ZNF436: variants seen among roughly 807,000 people sequenced by gnomAD.
ZNF436 encodes the protein zinc finger protein 436.
Under a neutral mutation model 41.9 loss-of-function variants are expected in ZNF436, and 22 were observed. The ratio of observed to expected loss-of-function variants is 0.53; its 90% CI spans 0.38 to 0.75. The LOEUF is 0.75. Among genes scored for constraint, ZNF436 ranks in the 30% least tolerant of loss-of-function variants. The pLI is 0.00. For synonymous variants in ZNF436, 217 were observed against 197.8 expected, an observed-to-expected ratio of 1.10 and a Z score of -0.82; for missense variants, 506 against 587.3, an observed-to-expected ratio of 0.86 and a Z score of 1.43.
Position 23,361,644 on chromosome 1 carries a change from G to A in ZNF436, c.*325C>T, listed in dbSNP as rs900537470. 2 of 237,586 alleles carry A rather than the reference G, an allele frequency of 8.4e-6. No homozygotes were observed. The highest frequency in any genetic ancestry group is 1.6e-5 in the Non-Finnish European group (2 of 121,264). The allele number at this position is 237,586 out of a possible 1,614,324, so 14.7% of individuals were successfully genotyped here. ...GCATAGTTCCTTGGGCCAAGGATGG[G>A]AGAAAATAACATTGAAAGATTTACT... On this transcript the variant is annotated 3_prime_UTR_variant, in exon 4 of 4. Transcript: ENST00000314011.
In ZNF436 at chr1:23,368,051, A is replaced by C; in HGVS notation, c.-46T>G. Reference sequence around the variant, plus strand: ...TCCAGGGAGAGAGAGCAGGAAAAGCAGCTAGCAGACAGCGCTGAAGGAGGC... The same window carrying C: ...TCCAGGGAGAGAGAGCAGGAAAAGCCGCTAGCAGACAGCGCTGAAGGAGGC... On this transcript the variant is annotated 5_prime_UTR_variant, in exon 2 of 4. Transcript: ENST00000314011. 1 of 1,612,342 alleles carries C rather than the reference A, an allele frequency of 6.2e-7. No individual in the cohort carries two copies. Among genetic ancestry groups the C allele is most frequent in the Non-Finnish European group, 8.5e-7 (1 of 1,178,698 alleles).
At position 23,369,537 on chromosome 1, in the gene ZNF436, G is replaced by T. The variant is rs548310360; in HGVS notation, c.-232C>A. 65 of 532,908 alleles carry T rather than the reference G, an allele frequency of 1.2e-4. No individual in the cohort carries two copies. Among genetic ancestry groups the T allele is most frequent in the South Asian group, 8.1e-4 (58 of 71,562 alleles). 33.0% of individuals were successfully genotyped at this position (532,908 alleles called of 1,614,324 possible). ...AGGTAGATCTCGAATTCGTAGACTT[G>T]CAGGCGAAGCCCAGATATCGTAGGC... is the stretch of plus-strand genomic sequence containing the variant. On this transcript the variant is annotated 5_prime_UTR_variant, in exon 1 of 4. Coordinates refer to ENST00000314011, the MANE Select transcript of ZNF436 (RefSeq NM_001077195.2).
chr1:23,362,259 A>G lies in ZNF436; in HGVS notation c.1123T>C (p.Ser375Pro). 3.1e-6 allele frequency: 5 copies of G among 1,614,152 alleles called. No individual in the cohort carries two copies. The highest frequency in any genetic ancestry group is 4.2e-6 in the Non-Finnish European group (5 of 1,180,034). The change falls in exon 4 of 4, where the codon TCT becomes CCT. Residue 375 changes from serine (S) to proline (P), a missense_variant. Coordinates refer to ENST00000314011, the MANE Select transcript of ZNF436 (RefSeq NM_001077195.2). The stretch of plus-strand genomic sequence containing the variant: ...ATTTTCTGGTGTGTGATGAGATGAG[A>G]GCTCCGGCTGAAGCTTTTCCCACAA... ...NACGKSFSRS[S>P]HLITHQKIHT...
At chr1:23,369,061 G>T (rs1484352151) in intron 1 of ZNF436, 2 of 241,336 alleles carry the variant, frequency 8.3e-6, no homozygotes, top group Non-Finnish European at 1.7e-5. Flanking sequence ...CTTCTCAAGG[G>T]GGCGCCCCTC....
At chr1:23,367,855 T>C in intron 2 of ZNF436, 118 bp downstream of exon 2, 2 of 1,170,694 alleles carry the variant, frequency 1.7e-6, no homozygotes, top group Non-Finnish European at 2.5e-6. Flanking sequence ...GGAGGCAGAA[T>C]ATCGAAGCCA....
chr1:23,366,562 A>G (rs1638362628), intron 3 of ZNF436, among the ~76,000 whole-genome samples: 1 of 152,220 alleles, frequency 6.6e-6, no homozygotes, highest in Non-Finnish European at 1.5e-5. Flanking sequence ...ATCATCATCA[A>G]CACTGAAACA....
rs372720347 is a variant in ZNF436, at chr1:23,369,534, C to T, written c.-229G>A. The T allele has an allele frequency of 3.8e-6, 2 of 532,820 alleles. No individual in the cohort carries two copies. The highest frequency in any genetic ancestry group is 1.9e-5 in the African/African-American group (1 of 51,742). 33.0% of individuals were successfully genotyped at this position (532,820 alleles called of 1,614,324 possible). On this transcript the variant is annotated 5_prime_UTR_variant, in exon 1 of 4. Transcript: ENST00000314011. ...CGCAGGTAGATCTCGAATTCGTAGA[C>T]TTGCAGGCGAAGCCCAGATATCGTA...
intron 2 of ZNF436, 142 bp from the exon 3 acceptor site, chr1:23,367,310 T>G (rs750479322): frequency 1.1e-5 from 11 of 1,038,618 alleles, no homozygotes; most frequent in Non-Finnish European, 1.5e-5. Context: ...AAAAAAGAGA[T>G]GTGGTAAAGA....
chr1:23,362,418 C>A lies in ZNF436; in HGVS notation c.964G>T (p.Val322Leu). 2 of 1,612,788 alleles carry A rather than the reference C, an allele frequency of 1.2e-6. No individual in the cohort carries two copies. The highest frequency in any genetic ancestry group is 1.7e-6 in the Non-Finnish European group (2 of 1,179,638). ...GKNFSQNSDL[V>L]RHRRAHTGEK... ...CCCGTGTGGGCTCTGCGATGACGCACAAGGTCGGAGTTCTGACTGAAATTC... is the reference window on the plus strand; with the variant it reads ...CCCGTGTGGGCTCTGCGATGACGCAAAAGGTCGGAGTTCTGACTGAAATTC... Residue 322 changes from valine to leucine, a missense_variant, in exon 4 of 4, where the codon GTG (valine) becomes TTG (leucine). By Grantham distance (32) the Val-to-Leu change is conservative (BLOSUM62 1). Coordinates refer to ENST00000314011, the MANE Select transcript of ZNF436 (RefSeq NM_001077195.2).
In ZNF436 at chr1:23,363,184, C is replaced by A; in HGVS notation, c.198G>T (p.Lys66Asn). 1.2e-6 allele frequency: 2 copies of A among 1,613,720 alleles called. No individual in the cohort carries two copies. The highest frequency in any genetic ancestry group is 1.3e-5 in the African/African-American group (1 of 75,038). The part of the protein sequence containing the change: ...EIRSENEVNP[K>N]QEISEDVQFG... ...ATTGTACATCTTCACTAATCTCTTG[C>A]TTGGGATTTACCTCGTTCTCACTCC... is the stretch of plus-strand genomic sequence containing the variant. Residue 66 changes from lysine to asparagine, a missense_variant, in exon 4 of 4, where the codon AAG becomes AAT. By Grantham distance (94) the Lys-to-Asn change is moderately conservative (BLOSUM62 0). Coordinates refer to ENST00000314011, the MANE Select transcript of ZNF436 (RefSeq NM_001077195.2).
Position 23,362,766 on chromosome 1 carries a change from T to G in ZNF436, c.616A>C (p.Ser206Arg). The G allele has an allele frequency of 1.2e-6, 2 of 1,614,208 alleles. No homozygotes were observed. Among genetic ancestry groups the G allele is most frequent in the South Asian group, 2.2e-5 (2 of 91,082 alleles). ...GTCTGATGCTGAATCAGGTGAGAAC[T>G]TCTTCCAAAACTTTTCCCACACTCG... ...CNECGKSFGR[S>R]SHLIQHQTIH... Residue 206 changes from serine to arginine, a missense_variant, in exon 4 of 4, where the codon AGT becomes CGT. Physicochemically the swap from Ser to Arg is moderately radical, Grantham distance 110 (BLOSUM62 -1). Transcript: ENST00000314011.
chr1:23,368,232 C>G (rs900553420), intron 1 of ZNF436, 167 bp from the exon 2 acceptor site: 1 of 576,488 alleles, frequency 1.7e-6, no homozygotes, highest in Non-Finnish European at 3.1e-6. Context: ...TCCGCCACAG[C>G]GGGGTGGAGG....
intron 1 of ZNF436, 42 bp from the exon 2 acceptor site, chr1:23,368,107 G>A: frequency 2.2e-6 from 3 of 1,364,806 alleles, no homozygotes; most frequent in Non-Finnish European, 2.1e-6. Context: ...CGGAAAACAG[G>A]CCCTGCCCAC....
At chr1:23,365,718 AAATT>A (rs146808591) in intron 3 of ZNF436, among the ~76,000 whole-genome samples, 12,072 of 151,594 alleles carry the variant, frequency 0.08, 649 homozygotes, top group South Asian at 0.24. Flanking sequence ...TGTTTCAAAA[AAATT>A]AATTAATTAA....
At chr1:23,366,099 A>G (rs1372283153) in intron 3 of ZNF436, among the ~76,000 whole-genome samples, 4 of 152,146 alleles carry the variant, frequency 2.6e-5, no homozygotes, top group African/African-American at 9.7e-5. Flanking sequence ...TGTTGGATTC[A>G]GTGGAATATT....
Position 23,362,684 on chromosome 1 carries a change from C to A in ZNF436, c.698G>T (p.Arg233Leu). Residue 233 changes from arginine (R) to leucine (L), a missense_variant, in exon 4 of 4, where the codon CGT becomes CTT. This residue lies in a region of ZNF436 where 278 missense variants were observed against 372.1 expected (regional missense o/e 0.75). Transcript: ENST00000314011. ...TTGGTGTTGGATTAGGTGAGAGAGA[C>A]GGCAGAAACTTTTTCCACACTCATT... ...KCNECGKSFC[R>L]LSHLIQHQRT... 4 of 1,613,988 alleles carry A rather than the reference C, an allele frequency of 2.5e-6. No homozygotes were observed. Among genetic ancestry groups the A allele is most frequent in the Non-Finnish European group, 3.4e-6 (4 of 1,179,998 alleles).
At chr1:23,369,343 G>A (rs375946237) in intron 1 of ZNF436, 23 bp downstream of exon 1, 29 of 532,032 alleles carry the variant, frequency 5.5e-5, no homozygotes, top group African/African-American at 3.1e-4. Flanking sequence ...CCGAAAACCC[G>A]AGTGGGGGAC....
rs1020606723 is a variant in ZNF436 at position 23,368,052 on chromosome 1, G to A, written c.-47C>T. ...CCAGGGAGAGAGAGCAGGAAAAGCA[G>A]CTAGCAGACAGCGCTGAAGGAGGCG... On this transcript the variant is annotated 5_prime_UTR_variant, in exon 2 of 4. Transcript: ENST00000314011. 1 of 1,611,050 alleles carries A rather than the reference G, an allele frequency of 6.2e-7. No homozygotes were observed. The highest frequency in any genetic ancestry group is 8.5e-7 in the Non-Finnish European group (1 of 1,177,686).
At chr1:23,369,344 A>C (rs1638445217) in intron 1 of ZNF436, 22 bp downstream of exon 1, 1 of 531,984 alleles carries the variant, frequency 1.9e-6, no homozygotes, top group African/African-American at 1.9e-5. Flanking sequence ...CGAAAACCCG[A>C]GTGGGGGACG....
Sources: gnomAD v4.1 joint callset for allele counts (sites outside exome capture counted in the v4.1 genomes callset) on GRCh38, gnomAD v4.1.1 for gene constraint, gnomAD v4.1.1 regional missense constraint, MANE v1.5 for transcripts, NCBI Gene and HGNC (gene_info 2026-07-23, HGNC 2026-07-21) for gene names.